The following MBD5 variants were observed in gnomAD, a reference collection of about 807,000 sequenced individuals.
MBD5 encodes methyl-CpG binding domain protein 5.
In MBD5, 13 loss-of-function variants were observed where a neutral mutation model predicts 117.3. That is an observed-to-expected ratio of 0.11 (90% CI 0.07 to 0.18). The LOEUF (loss-of-function observed/expected upper bound fraction) is 0.18, where lower values mean the gene tolerates loss of function less well. Among genes scored for constraint, MBD5 ranks in the 10% least tolerant of loss-of-function variants. The pLI is 1.00. For missense variants in MBD5, 1,879 were observed against 2,093.8 expected, an observed-to-expected ratio of 0.90 and a Z score of 2.00; for synonymous variants, 727 against 766.4, an observed-to-expected ratio of 0.95 and a Z score of 0.85.
intron 3 of MBD5, among the ~76,000 whole-genome samples, chr2:148,294,513 T>TTGTTTTTTTTTTTTTG (rs1387426588): frequency 2.1e-5 from 3 of 139,946 alleles, no homozygotes; most frequent in South Asian, 2.2e-4. Context: ...TTTTTTTTTT[T>TTGTTTTTTTTTTTTTG]TTTTTTTTGA....
intron 1 of MBD5, among the ~76,000 whole-genome samples, chr2:148,145,285 T>A (rs1203585233): frequency 1.3e-5 from 2 of 152,226 alleles, no homozygotes; most frequent in Non-Finnish European, 2.9e-5. Flanking sequence ...TTGTGATTTT[T>A]GCACATTGAT....
At chr2:148,398,466 G>A (rs533163567) in intron 4 of MBD5, among the ~76,000 whole-genome samples, 1,912 of 152,216 alleles carry the variant, frequency 0.013, 50 homozygotes, top group African/African-American at 0.044. Flanking sequence ...AGAAGTGTCT[G>A]TTCATATCCT....
intron 1 of MBD5, among the ~76,000 whole-genome samples, chr2:148,115,236 G>A (rs554926146): frequency 6.6e-6 from 1 of 151,866 alleles, no homozygotes; most frequent in Non-Finnish European, 1.5e-5. Flanking sequence ...ATCATATACA[G>A]ACATCTGTGT....
rs73965312 is a variant in MBD5, at chr2:148,332,305, C to A, written c.-679-9909C>A. On this transcript the variant is annotated intron_variant, in intron 3 of 13. Coordinates refer to ENST00000642680, the MANE Select transcript of MBD5 (RefSeq NM_001378120.1). ...GATACAAACTCAGTTCATAGCTGAACCATATCCTGTATCTAACTCTGCTTT... is the reference window on the plus strand; with the variant it reads ...GATACAAACTCAGTTCATAGCTGAAACATATCCTGTATCTAACTCTGCTTT... Among the ~76,000 whole-genome samples the A allele has an allele frequency of 6.0e-3, 906 of 152,254 alleles. 8 individuals are homozygous for A. Among genetic ancestry groups the A allele is most frequent in the African/African-American group, 0.02 (846 of 41,540 alleles).
chr2:148,028,228 A>T (rs2105566531), intron 1 of MBD5: 1 of 152,164 alleles, frequency 6.6e-6, no homozygotes, highest in African/African-American at 2.4e-5. Context: ...GTTTTAAAGG[A>T]CTAATATGAG....
At chr2:148,363,427 G>C (rs1703600260) in intron 4 of MBD5, among the ~76,000 whole-genome samples, 1 of 152,056 alleles carries the variant, frequency 6.6e-6, no homozygotes, top group Non-Finnish European at 1.5e-5. Flanking sequence ...TAGAGACGGG[G>C]TTTCGCTGTG....
intron 2 of MBD5, among the ~76,000 whole-genome samples, chr2:148,231,722 C>G (rs988864626): frequency 2.0e-5 from 3 of 152,062 alleles, no homozygotes; most frequent in Admixed American, 2.0e-4. Flanking sequence ...GGGTGCTTTC[C>G]CAGACGTCTT....
intron 1 of MBD5, among the ~76,000 whole-genome samples, chr2:148,072,225 G>T (rs1214867925): frequency 6.6e-6 from 1 of 152,066 alleles, no homozygotes; most frequent in African/African-American, 2.4e-5. Flanking sequence ...ATACCTTTGG[G>T]TAATTAGACT....
At chr2:148,374,656 AGGT>A (rs1330973947) in intron 4 of MBD5, among the ~76,000 whole-genome samples, 6 of 152,124 alleles carry the variant, frequency 3.9e-5, no homozygotes, top group African/African-American at 9.7e-5. Flanking sequence ...CTTCACCCTG[AGGT>A]TAAGGTGCAA....
At chr2:148,255,888 G>A (rs756891857) in intron 3 of MBD5, among the ~76,000 whole-genome samples, 3 of 152,246 alleles carry the variant, frequency 2.0e-5, no homozygotes, top group Non-Finnish European at 4.4e-5. Flanking sequence ...AGTGTTGTAG[G>A]TGTCATCCAG....
chr2:148,123,967 A>G (rs1268534312), intron 1 of MBD5, among the ~76,000 whole-genome samples: 2 of 152,192 alleles, frequency 1.3e-5, no homozygotes, highest in Admixed American at 6.5e-5. Context: ...TTTAATTTCA[A>G]GAACATCTCA....
chr2:148,092,363 G>A lies in MBD5; in HGVS notation c.-925+70679G>A, dbSNP rs549061380. Among the ~76,000 whole-genome samples the A allele has an allele frequency of 2.0e-5, 3 of 152,282 alleles. No individual in the cohort carries two copies. In the East Asian group the frequency reaches 5.8e-4, roughly 29 times the overall value. ...TTATACGAAAAAGACACTTGCACAT[G>A]CATGTTTATCTCAGCACAATTTGCA... On this transcript the variant is annotated intron_variant, in intron 1 of 13. Transcript: ENST00000642680.
At chr2:148,239,885 A>C (rs892096514) in intron 3 of MBD5, among the ~76,000 whole-genome samples, 1 of 152,124 alleles carries the variant, frequency 6.6e-6, no homozygotes, top group Admixed American at 6.5e-5. Flanking sequence ...TTTTGTAGAA[A>C]CGGGGTCTTG....
chr2:148,038,786 T>A (rs1053381743), intron 1 of MBD5, among the ~76,000 whole-genome samples: 3 of 152,040 alleles, frequency 2.0e-5, no homozygotes, highest in Admixed American at 1.3e-4. Context: ...TGTATTTTTT[T>A]AATTTGGTTT....
At chr2:148,106,822 C>T (rs1459160608) in intron 1 of MBD5, among the ~76,000 whole-genome samples, 1 of 151,922 alleles carries the variant, frequency 6.6e-6, no homozygotes, top group Non-Finnish European at 1.5e-5. Flanking sequence ...ATTTTTATTA[C>T]ATTTTTCCAA....
intron 4 of MBD5, among the ~76,000 whole-genome samples, chr2:148,433,796 T>C (rs1003271881): frequency 2.0e-5 from 3 of 152,178 alleles, no homozygotes; most frequent in African/African-American, 7.2e-5. Context: ...ATCAAGGAGA[T>C]TGGCCTGAAG....
intron 1 of MBD5, among the ~76,000 whole-genome samples, chr2:148,164,996 A>C (rs998426142): frequency 2.0e-5 from 3 of 152,136 alleles, no homozygotes; most frequent in Non-Finnish European, 4.4e-5. Context: ...ATCATGAAGG[A>C]GTTTATTGTT....
At chr2:148,334,150 C>A (rs137856692) in intron 3 of MBD5, among the ~76,000 whole-genome samples, 100 of 152,224 alleles carry the variant, frequency 6.6e-4, no homozygotes, top group African/African-American at 2.3e-3. Flanking sequence ...TAAGCACTGG[C>A]TGTCACCAAT....
intron 1 of MBD5, among the ~76,000 whole-genome samples, chr2:148,046,952 A>G (rs968584292): frequency 2.0e-5 from 3 of 152,054 alleles, no homozygotes; most frequent in Admixed American, 2.0e-4. Context: ...TTCATCTCCC[A>G]TTACTTTTCC....
Sources: allele counts gnomAD v4.1 joint callset (sites outside exome capture counted in the v4.1 genomes callset), GRCh38; gene constraint gnomAD v4.1.1; transcripts MANE v1.5; gene names NCBI Gene and HGNC (gene_info 2026-07-23, HGNC 2026-07-21).